The following GPC6 variants were observed in gnomAD, a reference collection of about 807,000 sequenced individuals.
GPC6 encodes glypican-6.
In GPC6, 14 loss-of-function variants were observed where a neutral mutation model predicts 55.2. The ratio of observed to expected loss-of-function variants is 0.25; its 90% confidence interval spans 0.17 to 0.40. The LOEUF (loss-of-function observed/expected upper bound fraction) is 0.40. GPC6 is among the 10% of genes least tolerant of loss of function. GPC6 has a pLI of 1.00. For synonymous variants in GPC6, 278 were observed against 259.6 expected (o/e 1.07, Z -0.68); for missense variants, 641 against 708.5 (o/e 0.90, Z 1.08).
chr13:94,333,215 C>T (rs1877514405), intron 6 of GPC6, among the ~76,000 whole-genome samples: 1 of 152,180 alleles, frequency 6.6e-6, no homozygotes, highest in Non-Finnish European at 1.5e-5. Flanking sequence ...TCATTTCTAA[C>T]TTTGAAGTTT....
At chr13:93,421,414 TA>T (rs145943821) in intron 1 of GPC6, among the ~76,000 whole-genome samples, 3,062 of 152,038 alleles carry the variant, frequency 0.02, 119 homozygotes, top group African/African-American at 0.069. Context: ...TATTTTGTTT[TA>T]AAAAAAACAT....
At chr13:94,136,779 A>T (rs560454760) in intron 4 of GPC6, among the ~76,000 whole-genome samples, 9 of 152,170 alleles carry the variant, frequency 5.9e-5, no homozygotes. Context: ...AAGGAATTTT[A>T]AAAGGGAATG....
rs767587025 is a variant in GPC6, at chr13:94,306,226, C to A, written c.1152+103C>A. 15 of 1,157,776 alleles carry A rather than the reference C, an allele frequency of 1.3e-5. No individual in the cohort carries two copies. The South Asian group carries it at 1.8e-4, about 14-fold the overall frequency. 71.7% of individuals were successfully genotyped at this position (1,157,776 alleles called of 1,614,324 possible). ...TGGAAAAGTTTGTTATAAGAGTCATCTCATGCTTATATCTGCCTCTGTTCT... is the reference window on the plus strand; with the variant it reads ...TGGAAAAGTTTGTTATAAGAGTCATATCATGCTTATATCTGCCTCTGTTCT... On this transcript the variant is annotated intron_variant, in intron 6 of 8. Coordinates refer to ENST00000377047, the MANE Select transcript of GPC6 (RefSeq NM_005708.5).
At chr13:94,077,747 A>C (rs1487365975) in intron 4 of GPC6, among the ~76,000 whole-genome samples, 1 of 148,416 alleles carries the variant, frequency 6.7e-6, no homozygotes, top group African/African-American at 2.4e-5. Flanking sequence ...TCTATCCTTC[A>C]TTCCCTTAAT....
chr13:94,026,324 T>C (rs1052596368), intron 3 of GPC6, among the ~76,000 whole-genome samples: 2 of 152,176 alleles, frequency 1.3e-5, no homozygotes, highest in Non-Finnish European at 1.5e-5. Context: ...CTATAGTAAT[T>C]GAAAGTATCC....
At chr13:93,902,297 A>C (rs1876404617) in intron 3 of GPC6, among the ~76,000 whole-genome samples, 1 of 152,234 alleles carries the variant, frequency 6.6e-6, no homozygotes, top group East Asian at 1.9e-4. Flanking sequence ...GAGTGAGATC[A>C]TGTGACATTT....
At chr13:94,268,668 G>C (rs1891889378) in intron 4 of GPC6, among the ~76,000 whole-genome samples, 1 of 152,088 alleles carries the variant, frequency 6.6e-6, no homozygotes, top group African/African-American at 2.4e-5. Flanking sequence ...AAGTGAGGAG[G>C]CATTTTCTCC....
intron 1 of GPC6, among the ~76,000 whole-genome samples, chr13:93,321,465 T>C (rs977725294): frequency 2.3e-4 from 35 of 152,202 alleles, no homozygotes; most frequent in African/African-American, 8.2e-4. Context: ...CTGTATATAG[T>C]GCAGATTTTA....
chr13:93,337,158 C>T (rs1351673328), intron 1 of GPC6, among the ~76,000 whole-genome samples: 1 of 152,100 alleles, frequency 6.6e-6, no homozygotes, highest in Non-Finnish European at 1.5e-5. Flanking sequence ...CTGATTCAAC[C>T]ATTCACTCTA....
intron 1 of GPC6, among the ~76,000 whole-genome samples, chr13:93,353,280 T>TAC (rs1253413253): frequency 5.9e-5 from 9 of 152,184 alleles, no homozygotes; most frequent in Non-Finnish European, 1.0e-4. Flanking sequence ...ATTAGATGCC[T>TAC]TCACCTGGAG....
At chr13:93,242,723 G>A (rs911537570) in intron 1 of GPC6, among the ~76,000 whole-genome samples, 4 of 152,116 alleles carry the variant, frequency 2.6e-5, no homozygotes, top group East Asian at 1.9e-4. Context: ...GCAAGTTCAC[G>A]GACACAGAAA....
rs1566360491 is a variant in GPC6, at chr13:94,067,577, TTATAGATAG to T, written c.877+39684_877+39692del. ...AGTCCATGAGAGATAGATAGATAGA[TTATAGATAG>T]ATAGATAGATAGATAGATAGATAGA... On this transcript the variant is annotated intron_variant, in intron 4 of 8. Transcript: ENST00000377047. Among the ~76,000 whole-genome samples, 117 of 130,378 alleles carry T rather than the reference TTATAGATAG, an allele frequency of 9.0e-4. 1 individual carries two copies. The highest frequency in any genetic ancestry group is 3.8e-3 in the Middle Eastern group (1 of 264). 85.5% of individuals were successfully genotyped at this position (130,378 alleles called of 152,430 possible).
At chr13:93,748,740 G>A (rs1933782) in intron 2 of GPC6, among the ~76,000 whole-genome samples, 3,010 of 152,044 alleles carry the variant, frequency 0.02, 93 homozygotes, top group African/African-American at 0.067. Flanking sequence ...ATTGTCCAGC[G>A]GATTTTGTAG....
At chr13:93,436,339 C>T (rs1877573094) in intron 1 of GPC6, among the ~76,000 whole-genome samples, 1 of 152,100 alleles carries the variant, frequency 6.6e-6, no homozygotes, top group South Asian at 2.1e-4. Context: ...ATAAATCAGG[C>T]ATTTTCTTGT....
At chr13:93,530,266 C>A (rs1455671258) in intron 1 of GPC6, among the ~76,000 whole-genome samples, 2 of 152,142 alleles carry the variant, frequency 1.3e-5, no homozygotes, top group Non-Finnish European at 2.9e-5. Flanking sequence ...ATGATGATAA[C>A]CCTTCTTGTG....
At chr13:93,766,208 A>G (rs1885126720) in intron 2 of GPC6, among the ~76,000 whole-genome samples, 1 of 152,220 alleles carries the variant, frequency 6.6e-6, no homozygotes, top group South Asian at 2.1e-4. Context: ...TAAGAATTCA[A>G]ATGATGCCGT....
At chr13:94,151,803 A>G (rs181365162) in intron 4 of GPC6, among the ~76,000 whole-genome samples, 2 of 152,256 alleles carry the variant, frequency 1.3e-5, no homozygotes, top group South Asian at 2.1e-4. Context: ...TGTGTGCATT[A>G]TGAGTATGCA....
At chr13:94,310,869 C>G (rs1305993083) in intron 6 of GPC6, among the ~76,000 whole-genome samples, 1 of 152,162 alleles carries the variant, frequency 6.6e-6, no homozygotes, top group Admixed American at 6.5e-5. Context: ...GCCTGGAAAA[C>G]TAGCTCTTCC....
At chr13:94,278,083 C>T (rs908321508) in intron 4 of GPC6, among the ~76,000 whole-genome samples, 1 of 152,094 alleles carries the variant, frequency 6.6e-6, no homozygotes, top group African/African-American at 2.4e-5. Flanking sequence ...GAATGTTTTT[C>T]CATTTGTTTG....
Sources: allele counts gnomAD v4.1 joint callset (sites outside exome capture counted in the v4.1 genomes callset), GRCh38; gene constraint gnomAD v4.1.1; transcripts MANE v1.5; gene names NCBI Gene and HGNC (gene_info 2026-07-23, HGNC 2026-07-21).